RBFOX1: variants seen among roughly 807,000 people sequenced by gnomAD.
The protein encoded by RBFOX1 is RNA binding fox-1 homolog 1.
RBFOX1 carries 8 observed loss-of-function variants against 57.7 expected under a neutral mutation model. The observed-to-expected ratio is 0.14, with a 90% CI of 0.08 to 0.25. RBFOX1 has a LOEUF of 0.25. Among genes scored for constraint, RBFOX1 ranks in the 10% least tolerant of loss-of-function variants. RBFOX1 has a pLI of 1.00. For synonymous variants in RBFOX1, 326 were observed against 222.4 expected, an observed-to-expected ratio of 1.47 and a Z score of -4.15; for missense variants, 611 against 548.5, an observed-to-expected ratio of 1.11 and a Z score of -1.14.
intron 5 of RBFOX1, among the ~76,000 whole-genome samples, chr16:7,577,134 A>G (rs1002162500): frequency 6.6e-6 from 1 of 152,200 alleles, no homozygotes; most frequent in Non-Finnish European, 1.5e-5. Context: ...GCATTTGTTT[A>G]TTCGTGTACT....
intron 4 of RBFOX1, among the ~76,000 whole-genome samples, chr16:5,939,164 C>A (rs1197326225): frequency 6.6e-6 from 1 of 152,134 alleles, no homozygotes; most frequent in Non-Finnish European, 1.5e-5. Flanking sequence ...ATGGGTACAG[C>A]ACACCAACAT....
chr16:6,546,516 G>T (rs1409937101), intron 2 of RBFOX1, among the ~76,000 whole-genome samples: 1 of 152,132 alleles, frequency 6.6e-6, no homozygotes, highest in Admixed American at 6.5e-5. Context: ...ATTGTGATTG[G>T]CAGCTCCATA....
chr16:6,922,955 T>C (rs536016428), intron 3 of RBFOX1, among the ~76,000 whole-genome samples: 2 of 152,160 alleles, frequency 1.3e-5, no homozygotes, highest in Non-Finnish European at 2.9e-5. Flanking sequence ...CCAGAACATA[T>C]CCAAATCAGA....
intron 1 of RBFOX1, among the ~76,000 whole-genome samples, chr16:6,218,238 T>A (rs988418232): frequency 2.1e-4 from 32 of 152,128 alleles, no homozygotes; most frequent in African/African-American, 7.7e-4. Context: ...TCTAGAGTCA[T>A]TCATTGAGCT....
intron 4 of RBFOX1, among the ~76,000 whole-genome samples, chr16:5,932,504 A>C (rs1363106606): frequency 1.3e-5 from 2 of 152,228 alleles, no homozygotes; most frequent in East Asian, 3.8e-4. Context: ...CAGCCATGCC[A>C]TGCTAGACAT....
At chr16:5,921,907 T>A (rs1358133406) in intron 4 of RBFOX1, among the ~76,000 whole-genome samples, 1 of 151,976 alleles carries the variant, frequency 6.6e-6, no homozygotes, top group Admixed American at 6.6e-5. Context: ...ATCCCAGCAC[T>A]TTGGGAAGGC....
chr16:7,043,494 G>A (rs2046868487), intron 3 of RBFOX1, among the ~76,000 whole-genome samples: 1 of 152,186 alleles, frequency 6.6e-6, no homozygotes, highest in South Asian at 2.1e-4. Context: ...GGTACTTGGA[G>A]ACGTGCGTTT....
At chr16:6,647,637 A>G (rs897327022) in intron 2 of RBFOX1, among the ~76,000 whole-genome samples, 3 of 152,198 alleles carry the variant, frequency 2.0e-5, no homozygotes, top group Non-Finnish European at 4.4e-5. Context: ...GGTTAGAGCT[A>G]TGACATATGA....
At chr16:5,945,298 G>T (rs893012005) in intron 4 of RBFOX1, among the ~76,000 whole-genome samples, 1 of 152,186 alleles carries the variant, frequency 6.6e-6, no homozygotes, top group Non-Finnish European at 1.5e-5. Context: ...GTCTGATGTT[G>T]TGTCTGGAGT....
intron 1 of RBFOX1, among the ~76,000 whole-genome samples, chr16:5,419,635 A>G (rs1302637047): frequency 2.0e-5 from 3 of 151,980 alleles, no homozygotes; most frequent in South Asian, 2.1e-4. Flanking sequence ...CCCATGTCCC[A>G]AATCCTCAGA....
chr16:5,424,919 C>CTTTCTTTCTTTCTTTCTTTCTTTCTT (rs1555514800), intron 1 of RBFOX1, among the ~76,000 whole-genome samples: 2 of 96,692 alleles, frequency 2.1e-5, no homozygotes, highest in African/African-American at 9.4e-5. Flanking sequence ...TTCTTTCTTT[C>CTTTCTTTCTTTCTTTCTTTCTTTCTT]TTTCTTTCTT....
At chr16:7,169,420 G>A (rs938864172) in intron 4 of RBFOX1, among the ~76,000 whole-genome samples, 1 of 152,182 alleles carries the variant, frequency 6.6e-6, no homozygotes, top group Non-Finnish European at 1.5e-5. Context: ...TTTGCACGAT[G>A]TTTAACGGAA....
At chr16:7,681,233 G>A (rs2074651802) in intron 14 of RBFOX1, among the ~76,000 whole-genome samples, 1 of 152,110 alleles carries the variant, frequency 6.6e-6, no homozygotes, top group Non-Finnish European at 1.5e-5. Flanking sequence ...GGTGAAGGAT[G>A]GGTAGATGGA....
chr16:7,121,018 C>A (rs34881174), intron 4 of RBFOX1, among the ~76,000 whole-genome samples: 65,249 of 151,496 alleles, frequency 0.43, 14,279 homozygotes, highest in Admixed American at 0.49. Context: ...TAACACATGA[C>A]CCTGTAAAAT....
Position 6,451,362 on chromosome 16 carries a change from G to C in RBFOX1, c.-64+134305G>C, listed in dbSNP as rs564008000. On this transcript the variant is annotated intron_variant, in intron 2 of 15. Transcript: ENST00000550418. The stretch of plus-strand genomic sequence containing the variant: ...TACTTGCTATGTTCTGCTTAACTAT[G>C]TTGCATGCTTTAGATGATTTTTTTG... Among the ~76,000 whole-genome samples the C allele has an allele frequency of 2.6e-5, 4 of 152,120 alleles. No individual in the cohort carries two copies. The East Asian group carries it at 7.8e-4, about 30-fold the overall frequency.
intron 1 of RBFOX1, among the ~76,000 whole-genome samples, chr16:6,133,385 G>A (rs550939080): frequency 2.6e-5 from 4 of 152,268 alleles, no homozygotes; most frequent in Non-Finnish European, 5.9e-5. Context: ...CATGTGGCTG[G>A]CACTGAACAC....
chr16:6,930,793 T>A (rs895699963), intron 3 of RBFOX1, among the ~76,000 whole-genome samples: 1 of 152,184 alleles, frequency 6.6e-6, no homozygotes, highest in Non-Finnish European at 1.5e-5. Context: ...CTATACAGTT[T>A]TCTCACTTTA....
chr16:7,168,538 A>C (rs1427161216), intron 4 of RBFOX1, among the ~76,000 whole-genome samples: 2 of 152,164 alleles, frequency 1.3e-5, no homozygotes, highest in Non-Finnish European at 2.9e-5. Flanking sequence ...CCTTCAATTA[A>C]GTTGCAGAAA....
chr16:6,519,777 C>T (rs567519728), intron 2 of RBFOX1, among the ~76,000 whole-genome samples: 2 of 152,136 alleles, frequency 1.3e-5, no homozygotes, highest in East Asian at 1.9e-4. Context: ...TCTGTATTAG[C>T]AACTCAGTAG....
Sources: allele counts gnomAD v4.1 joint callset (sites outside exome capture counted in the v4.1 genomes callset), GRCh38; gene constraint gnomAD v4.1.1; transcripts MANE v1.5; gene names NCBI Gene and HGNC (gene_info 2026-07-23, HGNC 2026-07-21).